Variants in EPHA3 observed in about 807,000 individuals in gnomAD.
EPHA3 encodes the protein EPH receptor A3.
Under a neutral mutation model 107.1 loss-of-function variants are expected in EPHA3, and 42 were observed. That is an observed-to-expected ratio of 0.39 (90% confidence interval 0.31 to 0.51). The LOEUF (loss-of-function observed/expected upper bound fraction) is 0.51. Ranked by LOEUF, EPHA3 falls within the 20% of genes least tolerant of loss-of-function variation. The pLI, the probability that EPHA3 is intolerant of heterozygous loss-of-function variation, is 0.78. For missense variants in EPHA3, 1,183 were observed against 1,211.2 expected (o/e 0.98, Z 0.35); for synonymous variants, 461 against 424.8 (o/e 1.09, Z -1.05).
chr3:89,225,687 G>A (rs1180238095), intron 3 of EPHA3, among the ~76,000 whole-genome samples: 1 of 152,158 alleles, frequency 6.6e-6, no homozygotes, highest in East Asian at 1.9e-4. Flanking sequence ...GAACACTGAG[G>A]CTGCAGTCAG....
chr3:89,157,532 T>C (rs949760021), intron 2 of EPHA3, among the ~76,000 whole-genome samples: 1 of 151,820 alleles, frequency 6.6e-6, no homozygotes, highest in African/African-American at 2.4e-5. Context: ...CTGATTTCCT[T>C]TGGGTCCTGG....
intron 3 of EPHA3, among the ~76,000 whole-genome samples, chr3:89,213,433 T>A (rs567917400): frequency 1.3e-5 from 2 of 152,144 alleles, no homozygotes; most frequent in South Asian, 4.1e-4. Flanking sequence ...TATCTTTGAT[T>A]CCACTACGCC....
chr3:89,370,475 G>A (rs1302982605), intron 5 of EPHA3, among the ~76,000 whole-genome samples: 3 of 151,582 alleles, frequency 2.0e-5, no homozygotes, highest in Admixed American at 6.6e-5. Flanking sequence ...CATGGACACA[G>A]GAAGGGGAAC....
chr3:89,154,332 T>A (rs62274621), intron 2 of EPHA3, among the ~76,000 whole-genome samples: 210 of 151,728 alleles, frequency 1.4e-3, no homozygotes, highest in Non-Finnish European at 2.3e-3. Flanking sequence ...GAGCACTCAA[T>A]AGATATCTGT....
chr3:89,202,534 A>AAAT (rs1553663622), intron 2 of EPHA3, among the ~76,000 whole-genome samples: 44 of 37,676 alleles, frequency 1.2e-3, no homozygotes, highest in African/African-American at 2.5e-3. Flanking sequence ...AAAAAAAAAA[A>AAAT]ATATATATAT....
chr3:89,291,092 T>C (rs557757965), intron 3 of EPHA3, among the ~76,000 whole-genome samples: 19 of 152,258 alleles, frequency 1.2e-4, no homozygotes, highest in African/African-American at 3.8e-4. Flanking sequence ...TGGAACTCTC[T>C]AATTAATGAA....
intron 13 of EPHA3, among the ~76,000 whole-genome samples, chr3:89,440,982 G>A (rs533569943): frequency 2.0e-3 from 298 of 152,280 alleles, no homozygotes; most frequent in Non-Finnish European, 3.4e-3. Context: ...AAGAGCTATG[G>A]TCATAAGTCA....
At chr3:89,298,925 A>T (rs1706423473) in intron 3 of EPHA3, among the ~76,000 whole-genome samples, 1 of 152,132 alleles carries the variant, frequency 6.6e-6, no homozygotes, top group Non-Finnish European at 1.5e-5. Context: ...CATGAAGATG[A>T]TAATACAGGA....
At chr3:89,339,559 G>A (rs1223197111) in intron 3 of EPHA3, among the ~76,000 whole-genome samples, 1 of 152,044 alleles carries the variant, frequency 6.6e-6, no homozygotes, top group African/African-American at 2.4e-5. Flanking sequence ...ATCATTTTAA[G>A]TTATTCCAGT....
intron 2 of EPHA3, among the ~76,000 whole-genome samples, chr3:89,203,645 C>T (rs1432536195): frequency 6.6e-6 from 1 of 151,774 alleles, no homozygotes; most frequent in African/African-American, 2.4e-5. Context: ...GGCGCAGTGG[C>T]GGGCGCCTGC....
intron 3 of EPHA3, among the ~76,000 whole-genome samples, chr3:89,325,708 T>C (rs2107388284): frequency 6.6e-6 from 1 of 152,276 alleles, no homozygotes; most frequent in South Asian, 2.1e-4. Flanking sequence ...ACTGTAGTAC[T>C]TTGTACATAT....
intron 2 of EPHA3, among the ~76,000 whole-genome samples, chr3:89,202,220 C>T (rs1023396744): frequency 3.9e-5 from 6 of 151,920 alleles, no homozygotes; most frequent in African/African-American, 1.5e-4. Context: ...TGTGGCCAAG[C>T]GTGGTGTCTC....
At chr3:89,281,950 TG>T (rs1342995892) in intron 3 of EPHA3, among the ~76,000 whole-genome samples, 1 of 152,244 alleles carries the variant, frequency 6.6e-6, no homozygotes, top group Non-Finnish European at 1.5e-5. Flanking sequence ...GTCTAGTTAT[TG>T]GGCTGATGTG....
intron 3 of EPHA3, among the ~76,000 whole-genome samples, chr3:89,224,791 G>A (rs1354219049): frequency 4.6e-5 from 7 of 152,018 alleles, no homozygotes; most frequent in East Asian, 1.9e-4. Flanking sequence ...GGAGGTTGCA[G>A]TGAGACAAGA....
chr3:89,256,327 T>A (rs1476918238), intron 3 of EPHA3, among the ~76,000 whole-genome samples: 1 of 151,980 alleles, frequency 6.6e-6, no homozygotes, highest in East Asian at 1.9e-4. Flanking sequence ...GGCAGGCAGA[T>A]CACAAGGTCA....
At chr3:89,338,228 G>T (rs567591305) in intron 3 of EPHA3, among the ~76,000 whole-genome samples, 95 of 152,174 alleles carry the variant, frequency 6.2e-4, no homozygotes, top group Non-Finnish European at 1.1e-3. Flanking sequence ...CAGAGTTTGG[G>T]TATTGAGTAC....
chr3:89,153,254 T>A lies in EPHA3; in HGVS notation c.153+25981T>A, dbSNP rs996688323. Among the ~76,000 whole-genome samples, 65 of 152,042 alleles carry A rather than the reference T, an allele frequency of 4.3e-4. 1 individual carries two copies. Among genetic ancestry groups the A allele is most frequent in the Admixed American group, 3.9e-3 (59 of 15,230 alleles). The stretch of plus-strand genomic sequence containing the variant: ...AGAGAAGATGAGAATGTTTCATATA[T>A]TTACTTCACTTAAGATACTATGCTC... On this transcript the variant is annotated intron_variant, in intron 2 of 16. Transcript: ENST00000336596.
rs567163490 is a variant in EPHA3, at chr3:89,187,202, G to T, written c.154-22658G>T. Among the ~76,000 whole-genome samples the T allele has an allele frequency of 5.1e-3, 460 of 89,482 alleles. 4 individuals are homozygous for T. Among genetic ancestry groups the T allele is most frequent in the African/African-American group, 0.018 (437 of 23,720 alleles). The allele number at this position is 89,482 out of a possible 152,430, so 58.7% of individuals were successfully genotyped here. The stretch of plus-strand genomic sequence containing the variant: ...AGCCCTTTCTTATTACATCAAATTT[G>T]TGTTTTTGAAAAGCAAACATATTTA... On this transcript the variant is annotated intron_variant, in intron 2 of 16. Coordinates refer to ENST00000336596, the MANE Select transcript of EPHA3 (RefSeq NM_005233.6).
At chr3:89,439,023 G>A (rs1709728715) in intron 13 of EPHA3, among the ~76,000 whole-genome samples, 1 of 152,118 alleles carries the variant, frequency 6.6e-6, no homozygotes, top group South Asian at 2.1e-4. Context: ...ACAAGTAAAG[G>A]CAGAAAAGTA....
Sources: gnomAD v4.1 joint callset for allele counts (sites outside exome capture counted in the v4.1 genomes callset) on GRCh38, gnomAD v4.1.1 for gene constraint, MANE v1.5 for transcripts, NCBI Gene and HGNC (gene_info 2026-07-23, HGNC 2026-07-21) for gene names.